ENTREP1: variants seen among roughly 807,000 people sequenced by gnomAD.
ENTREP1 encodes the protein Friedreich ataxia region gene X123.
At chr9:69,388,761 T>C in the ENTREP1 span, among the ~76,000 whole-genome samples, 1 of 152,202 alleles carries the variant, frequency 6.6e-6, no homozygotes, top group East Asian at 1.9e-4. Flanking sequence ...GTGGAGTGCA[T>C]TCAACATTTG....
At chr9:69,346,612 T>A in the ENTREP1 span, among the ~76,000 whole-genome samples, 19 of 152,368 alleles carry the variant, frequency 1.2e-4, no homozygotes, top group Admixed American at 5.9e-4. Flanking sequence ...AACATTTACA[T>A]TTTGCTCTTA....
chr9:69,380,610 C>T, the ENTREP1 span: 7 of 152,300 alleles, frequency 4.6e-5, no homozygotes, highest in Admixed American at 3.3e-4. Context: ...AAGATGGGTT[C>T]GCTACTTTGT....
At chr9:69,336,462 T>G in the ENTREP1 span, among the ~76,000 whole-genome samples, 62 of 152,306 alleles carry the variant, frequency 4.1e-4, no homozygotes, top group Non-Finnish European at 7.3e-5. Flanking sequence ...CTGGTTCACT[T>G]TAAGCTCCTT....
chr9:69,354,712 G>A, the ENTREP1 span, among the ~76,000 whole-genome samples: 1 of 152,100 alleles, frequency 6.6e-6, no homozygotes, highest in East Asian at 1.9e-4. Flanking sequence ...TTGGTTCTGG[G>A]GTCAGAACAC....
At chr9:69,376,263 T>C in the ENTREP1 span, among the ~76,000 whole-genome samples, 3 of 152,220 alleles carry the variant, frequency 2.0e-5, no homozygotes, top group African/African-American at 7.2e-5. Context: ...GTTCTGATGC[T>C]CATTTGTTTG....
At chr9:69,348,623 C>T in the ENTREP1 span, among the ~76,000 whole-genome samples, 1 of 152,240 alleles carries the variant, frequency 6.6e-6, no homozygotes, top group South Asian at 2.1e-4. Flanking sequence ...CCTTCAGCCT[C>T]AGGAAACCAC....
chr9:69,376,079 A>T, the ENTREP1 span, among the ~76,000 whole-genome samples: 1 of 152,246 alleles, frequency 6.6e-6, no homozygotes, highest in African/African-American at 2.4e-5. Flanking sequence ...TTTGTGTTGA[A>T]GAACTGTAAG....
chr9:69,367,879 A>G, the ENTREP1 span, among the ~76,000 whole-genome samples: 1 of 140,130 alleles, frequency 7.1e-6, no homozygotes, highest in Non-Finnish European at 1.5e-5. Flanking sequence ...ATAAATATAT[A>G]TATACACATA....
the ENTREP1 span, among the ~76,000 whole-genome samples, chr9:69,347,512 C>T: frequency 6.6e-6 from 1 of 152,224 alleles, no homozygotes; most frequent in African/African-American, 2.4e-5. Context: ...CTTCCCACGG[C>T]AGGCTTGCTC....
At chr9:69,356,995 C>T in the ENTREP1 span, among the ~76,000 whole-genome samples, 4 of 150,866 alleles carry the variant, frequency 2.7e-5, no homozygotes, top group Admixed American at 6.7e-5. Flanking sequence ...TGGTGGCTCA[C>T]GCCAGCAACC....
the ENTREP1 span, chr9:69,387,904 C>G: frequency 7.0e-7 from 1 of 1,427,324 alleles, no homozygotes; most frequent in Non-Finnish European, 9.3e-7. Context: ...TCTCCACCAT[C>G]TGGCTTTACC....
At chr9:69,389,651 G>A in the ENTREP1 span, among the ~76,000 whole-genome samples, 1 of 152,232 alleles carries the variant, frequency 6.6e-6, no homozygotes, top group African/African-American at 2.4e-5. Context: ...CCCTCTGTCC[G>A]GCCCCAATAG....
chr9:69,387,192 T>G, the ENTREP1 span: 1 of 152,200 alleles, frequency 6.6e-6, no homozygotes, highest in African/African-American at 2.4e-5. Context: ...ACTCTTGCTG[T>G]CTGTGACGTG....
chr9:69,338,982 TAGTC>T, the ENTREP1 span, among the ~76,000 whole-genome samples: 19 of 152,282 alleles, frequency 1.2e-4, no homozygotes, highest in Middle Eastern at 3.4e-3. Context: ...ATTGGAGACT[TAGTC>T]AGTATCATAA....
chr9:69,361,523 A>G, the ENTREP1 span, among the ~76,000 whole-genome samples: 1 of 151,982 alleles, frequency 6.6e-6, no homozygotes, highest in African/African-American at 2.4e-5. Flanking sequence ...TAATTTGTTC[A>G]TCCATTCTTC....
chr9:69,370,267 A>G, the ENTREP1 span, among the ~76,000 whole-genome samples: 9 of 152,176 alleles, frequency 5.9e-5, no homozygotes. Flanking sequence ...AGGATTACAG[A>G]TATATTAGAT....
At chr9:69,333,968 G>A in the ENTREP1 span, among the ~76,000 whole-genome samples, 1 of 152,200 alleles carries the variant, frequency 6.6e-6, no homozygotes, top group Non-Finnish European at 1.5e-5. Flanking sequence ...AGGAATCACT[G>A]TCATCACTAT....
the ENTREP1 span, among the ~76,000 whole-genome samples, chr9:69,344,888 A>G: frequency 6.6e-6 from 1 of 152,140 alleles, no homozygotes; most frequent in African/African-American, 2.4e-5. Flanking sequence ...GGATTCTGTG[A>G]GCTACCTGAT....
the ENTREP1 span, chr9:69,325,188 T>C: frequency 7.8e-6 from 8 of 1,022,698 alleles, no homozygotes; most frequent in East Asian, 2.3e-4. Context: ...TTTCCTTCCC[T>C]CCCCCTCGGC....
Sources: gnomAD v4.1 joint callset for allele counts (sites outside exome capture counted in the v4.1 genomes callset) on GRCh38, gnomAD v4.1.1 for gene constraint, MANE v1.5 for transcripts, NCBI Gene and HGNC (gene_info 2026-07-23, HGNC 2026-07-21) for gene names.